LYRM7: variants seen among roughly 807,000 people sequenced by gnomAD.
LYRM7 encodes complex III assembly factor LYRM7.
In LYRM7, 9 loss-of-function variants were observed where a neutral mutation model predicts 15.8. That is an observed-to-expected ratio of 0.57 (90% CI 0.34 to 0.99). The LOEUF is 0.99. Among genes scored for constraint, LYRM7 ranks in the 50% least tolerant of loss-of-function variants. LYRM7 has a pLI of 0.02. For missense variants in LYRM7, 115 were observed against 119.1 expected (o/e 0.97, Z 0.16); for synonymous variants, 39 against 39.4 (o/e 0.99, Z 0.04).
intron 3 of LYRM7, among the ~76,000 whole-genome samples, chr5:131,185,048 G>A (rs565013501): frequency 8.6e-5 from 13 of 151,624 alleles, no homozygotes; most frequent in Non-Finnish European, 1.5e-4. Context: ...AATTATCTCC[G>A]AGTCCAAGCC....
At chr5:131,193,746 G>A (rs1190296572) in intron 4 of LYRM7, among the ~76,000 whole-genome samples, 7 of 152,116 alleles carry the variant, frequency 4.6e-5, no homozygotes, top group Non-Finnish European at 7.4e-5. Flanking sequence ...GGTGGGTCAC[G>A]CCTATAATCC....
In LYRM7 at chr5:131,200,573, C is replaced by A. The variant is rs911705988; in HGVS notation, c.*972C>A. On this transcript the variant is annotated 3_prime_UTR_variant, in exon 5 of 5. Transcript: ENST00000379380. ...AGTGAATAGTATGTTTTCTCCCATT[C>A]ACTGATAAATTCTCTCATTTGATGA... 2.0e-5 allele frequency: 3 copies of A among 152,296 alleles called. No individual in the cohort carries two copies. Among genetic ancestry groups the A allele is most frequent in the African/African-American group, 7.2e-5 (3 of 41,438 alleles). 9.4% of individuals were successfully genotyped at this position (152,296 alleles called of 1,614,324 possible).
intron 1 of LYRM7, among the ~76,000 whole-genome samples, chr5:131,175,872 C>T (rs1438368304): frequency 6.6e-6 from 1 of 152,108 alleles, no homozygotes; most frequent in East Asian, 1.9e-4. Context: ...AATTCTCCTG[C>T]CTCAACCTCC....
At chr5:131,179,760 A>G (rs929096203) in intron 1 of LYRM7, among the ~76,000 whole-genome samples, 8 of 151,460 alleles carry the variant, frequency 5.3e-5, no homozygotes, top group Non-Finnish European at 1.0e-4. Context: ...ACATGGTGAA[A>G]CCTTGTCTCT....
At chr5:131,188,206 G>A (rs976815201) in intron 4 of LYRM7, among the ~76,000 whole-genome samples, 3 of 151,996 alleles carry the variant, frequency 2.0e-5, no homozygotes, top group Non-Finnish European at 2.9e-5. Context: ...TTAATGAGCC[G>A]CGAGTATGCC....
chr5:131,176,288 C>CT (rs1367481567), intron 1 of LYRM7, among the ~76,000 whole-genome samples: 1 of 152,142 alleles, frequency 6.6e-6, no homozygotes, highest in Non-Finnish European at 1.5e-5. Flanking sequence ...GTAGGTTTAA[C>CT]TTTTTTTAGC....
chr5:131,184,647 G>GGGGC (rs1554090164), intron 3 of LYRM7, among the ~76,000 whole-genome samples: 11 of 145,116 alleles, frequency 7.6e-5, no homozygotes, highest in African/African-American at 2.5e-4. Flanking sequence ...TGGCGGGGGG[G>GGGGC]GGGTTCCAGG....
rs1561544310 is a variant in LYRM7, at chr5:131,181,360, T to TA, written c.92-869_92-868insA. Among the ~76,000 whole-genome samples, 11 of 32,162 alleles carry TA rather than the reference T, an allele frequency of 3.4e-4. 2 individuals carry two copies. The highest frequency in any genetic ancestry group is 2.9e-3 in the African/African-American group (11 of 3,826). 21.1% of individuals were successfully genotyped at this position (32,162 alleles called of 152,430 possible). On this transcript the variant is annotated intron_variant, in intron 2 of 4. Coordinates refer to ENST00000379380, the MANE Select transcript of LYRM7 (RefSeq NM_181705.4). ...ATATAACATATATGTTATATATATA[T>TA]TAACATATATATGTATATATAATAT... is the stretch of plus-strand genomic sequence containing the variant.
At chr5:131,176,595 G>C (rs1755606837) in intron 1 of LYRM7, among the ~76,000 whole-genome samples, 1 of 150,544 alleles carries the variant, frequency 6.6e-6, no homozygotes, top group Admixed American at 6.7e-5. Flanking sequence ...TTTAGATTCA[G>C]AGAGTACATA....
chr5:131,197,814 G>A (rs916449877), intron 4 of LYRM7, among the ~76,000 whole-genome samples: 2 of 151,424 alleles, frequency 1.3e-5, no homozygotes, highest in Non-Finnish European at 2.9e-5. Flanking sequence ...CAAAGTGCCA[G>A]AATTACAGGC....
Position 131,201,721 on chromosome 5 carries a change from A to AAAAT in LYRM7, c.*2136_*2139dup, listed in dbSNP as rs10684991. 0.26 allele frequency: 38,767 copies of AAAAT among 151,904 alleles called. 5,474 individuals carry two copies. The highest frequency in any genetic ancestry group is 0.39 in the African/African-American group (15,913 of 41,318). The allele number at this position is 151,904 out of a possible 1,614,324, so 9.4% of individuals were successfully genotyped here. ...GCAACAAGAGTGAAACTCCGTCTCA[A>AAAAT]AAATAAATAAATAAATAAAGTTCCT... On this transcript the variant is annotated 3_prime_UTR_variant, in exon 5 of 5. Transcript: ENST00000379380.
chr5:131,177,140 A>G (rs1393022844), intron 1 of LYRM7, among the ~76,000 whole-genome samples: 1 of 152,176 alleles, frequency 6.6e-6, no homozygotes, highest in Non-Finnish European at 1.5e-5. Flanking sequence ...ATATCCTTTA[A>G]TAGATATCCT....
rs775931558 is a variant in LYRM7, at chr5:131,187,071, C to G, written c.206C>G (p.Ser69Cys). The change falls in exon 4 of 5, where the codon TCT becomes TGT. Residue 69 changes from serine to cysteine, a missense_variant. By Grantham distance (112) the Ser-to-Cys change is moderately radical. Coordinates refer to ENST00000379380, the MANE Select transcript of LYRM7 (RefSeq NM_181705.4). The stretch of plus-strand genomic sequence containing the variant: ...GATGTTGAATTATTACTCAGAACAT[C>G]TGTTATACAAGGTATTCACACAGAC... ...GSDVELLLRT[S>C]VIQGIHTDHN... is the part of the protein sequence containing the mutation. 2 of 1,564,200 alleles carry G rather than the reference C, an allele frequency of 1.3e-6. No individual in the cohort carries two copies. The highest frequency in any genetic ancestry group is 1.7e-6 in the Non-Finnish European group (2 of 1,148,496).
At chr5:131,176,044 G>C (rs1755597418) in intron 1 of LYRM7, among the ~76,000 whole-genome samples, 1 of 152,222 alleles carries the variant, frequency 6.6e-6, no homozygotes, top group South Asian at 2.1e-4. Flanking sequence ...ACAGGCGTGA[G>C]CCACTGCATC....
In LYRM7 at chr5:131,202,484, C is replaced by A. The variant is rs201624160; in HGVS notation, c.*2883C>A. ...ACTCCAGCCTGAGAGAACAAGACTCCGTCTCAAAAAAAGAAAAAAAGAAAA... is the reference window on the plus strand; with the variant it reads ...ACTCCAGCCTGAGAGAACAAGACTCAGTCTCAAAAAAAGAAAAAAAGAAAA... On this transcript the variant is annotated 3_prime_UTR_variant, in exon 5 of 5. Coordinates refer to ENST00000379380, the MANE Select transcript of LYRM7 (RefSeq NM_181705.4). The A allele has an allele frequency of 6.6e-6, 1 of 151,938 alleles. No homozygotes were observed. Among genetic ancestry groups the A allele is most frequent in the African/African-American group, 2.4e-5 (1 of 41,336 alleles). The allele number at this position is 151,938 out of a possible 1,614,324, so 9.4% of individuals were successfully genotyped here.
intron 4 of LYRM7, among the ~76,000 whole-genome samples, chr5:131,190,578 C>T (rs1290624350): frequency 1.3e-5 from 2 of 151,926 alleles, no homozygotes; most frequent in Non-Finnish European, 2.9e-5. Context: ...GCAACCTCCA[C>T]CTCCCAGGTT....
intron 4 of LYRM7, among the ~76,000 whole-genome samples, chr5:131,189,574 C>CT (rs1755853402): frequency 6.7e-6 from 1 of 149,170 alleles, no homozygotes; most frequent in African/African-American, 2.5e-5. Flanking sequence ...TTACATGTGA[C>CT]TATCCAGTTG....
intron 3 of LYRM7, among the ~76,000 whole-genome samples, chr5:131,184,649 G>C (rs1036986212): frequency 1.7e-5 from 2 of 120,696 alleles, no homozygotes; most frequent in Non-Finnish European, 3.2e-5. Context: ...GCGGGGGGGG[G>C]GTTCCAGGAT....
chr5:131,177,814 C>T (rs1580692726), intron 1 of LYRM7, among the ~76,000 whole-genome samples: 1 of 152,078 alleles, frequency 6.6e-6, no homozygotes, highest in African/African-American at 2.4e-5. Flanking sequence ...TTCTTCCCTC[C>T]CTTTTCTCTT....
Sources: allele counts gnomAD v4.1 joint callset (sites outside exome capture counted in the v4.1 genomes callset), GRCh38; gene constraint gnomAD v4.1.1; transcripts MANE v1.5; gene names NCBI Gene and HGNC (gene_info 2026-07-23, HGNC 2026-07-21).